HEPHL1: variants seen among roughly 807,000 people sequenced by gnomAD.
HEPHL1 encodes the protein hephaestin like 1.
HEPHL1 carries 123 observed loss-of-function variants against 122.0 expected under a neutral mutation model. The ratio of observed to expected loss-of-function variants is 1.01; its 90% CI spans 0.87 to 1.17. The LOEUF (loss-of-function observed/expected upper bound fraction) is 1.17. Among genes scored for constraint, HEPHL1 ranks in the 50% most tolerant of loss-of-function variants. HEPHL1 has a pLI of 0.00. For missense variants in HEPHL1, 1,452 were observed against 1,430.5 expected, an observed-to-expected ratio of 1.01 and a Z score of -0.24; for synonymous variants, 527 against 508.9, an observed-to-expected ratio of 1.04 and a Z score of -0.48.
chr11:94,087,409 T>C (rs891051686), intron 11 of HEPHL1, among the ~76,000 whole-genome samples: 1 of 152,198 alleles, frequency 6.6e-6, no homozygotes, highest in Non-Finnish European at 1.5e-5. Context: ...AGTTTATGTT[T>C]GGTGATAAGC....
At chr11:94,089,083 C>G in intron 12 of HEPHL1, 115 bp downstream of exon 12, 1 of 961,716 alleles carries the variant, frequency 1.0e-6, no homozygotes, top group Non-Finnish European at 1.6e-6. Context: ...TTCCGGCCGA[C>G]AGAGACTTTT....
In HEPHL1 at chr11:94,067,496, C is replaced by A; in HGVS notation, c.809C>A (p.Ala270Asp). 5 of 1,612,356 alleles carry A rather than the reference C, an allele frequency of 3.1e-6. No homozygotes were observed. The highest frequency in any genetic ancestry group is 4.2e-6 in the Non-Finnish European group (5 of 1,178,570). The change falls in exon 5 of 20, where the codon GCC becomes GAC. Residue 270 changes from alanine (A) to aspartate (D), a missense_variant and splice_region_variant. Ala to Asp is a moderately radical substitution (Grantham distance 126, BLOSUM62 -2). Coordinates refer to ENST00000315765, the MANE Select transcript of HEPHL1 (RefSeq NM_001098672.2). The stretch of plus-strand genomic sequence containing the variant: ...TCCACTAGCGTGTTTCTGTTTCCAG[C>A]CCTCAATGGATACCTCTTCGGAAAC... ...AVFQRSNKMH[A>D]LNGYLFGNFP...
chr11:94,037,041 G>A lies in HEPHL1; in HGVS notation c.171-8632G>A, dbSNP rs929086364. Among the ~76,000 whole-genome samples, 10 of 152,312 alleles carry A rather than the reference G, an allele frequency of 6.6e-5. No individual in the cohort carries two copies. In the East Asian group the frequency reaches 1.7e-3, roughly 26 times the overall value. On this transcript the variant is annotated intron_variant, in intron 1 of 19. Coordinates refer to ENST00000315765, the MANE Select transcript of HEPHL1 (RefSeq NM_001098672.2). ...CGTGCACGAGCCGAAGCAGGGCAAGGCATTGCCTCACCTGGGAAGCGCAAG... is the reference window on the plus strand; with the variant it reads ...CGTGCACGAGCCGAAGCAGGGCAAGACATTGCCTCACCTGGGAAGCGCAAG...
chr11:94,045,707 A>G lies in HEPHL1; in HGVS notation c.205A>G (p.Arg69Gly). The change falls in exon 2 of 20, where the codon AGG becomes GGG. Residue 69 changes from arginine to glycine, a missense_variant. By Grantham distance (125) the Arg-to-Gly change is moderately radical (BLOSUM62 -2). Transcript: ENST00000315765. ...CTTATTTCTCGAAAGAGGGCCCAAC[A>G]GGATAGGCAGTATTTACAAAAAGGC... ...ATLFLERGPN[R>G]IGSIYKKAVY... 1.2e-6 allele frequency: 2 copies of G among 1,611,800 alleles called. No individual in the cohort carries two copies. The highest frequency in any genetic ancestry group is 4.5e-5 in the East Asian group (2 of 44,860).
chr11:94,074,611 C>A (rs1180327992), intron 8 of HEPHL1, among the ~76,000 whole-genome samples: 2 of 152,086 alleles, frequency 1.3e-5, no homozygotes, highest in Admixed American at 6.6e-5. Context: ...TGTTTTTTGG[C>A]AGTACGGTGT....
At chr11:94,059,824 A>G (rs1945970010) in intron 2 of HEPHL1, among the ~76,000 whole-genome samples, 1 of 152,040 alleles carries the variant, frequency 6.6e-6, no homozygotes, top group Non-Finnish European at 1.5e-5. Flanking sequence ...CCTAATAATA[A>G]TAAAAACAAG....
chr11:94,056,658 T>TCTATC (rs1301005618), intron 2 of HEPHL1, among the ~76,000 whole-genome samples: 1 of 236 alleles, frequency 4.2e-3, no homozygotes, highest in Non-Finnish European at 0.083. Flanking sequence ...TATTATTGAT[T>TCTATC]ATCTATCTAT....
chr11:94,069,953 T>C (rs1946060985), intron 5 of HEPHL1, among the ~76,000 whole-genome samples: 1 of 152,206 alleles, frequency 6.6e-6, no homozygotes, highest in South Asian at 2.1e-4. Context: ...CTACCAACAC[T>C]GAGAATTATT....
At chr11:94,044,603 C>G (rs946327184) in intron 1 of HEPHL1, among the ~76,000 whole-genome samples, 2 of 152,144 alleles carry the variant, frequency 1.3e-5, no homozygotes, top group South Asian at 2.1e-4. Flanking sequence ...AGCCTATAAC[C>G]TGCACTTCCC....
chr11:94,024,879 A>G (rs943811091), intron 1 of HEPHL1, among the ~76,000 whole-genome samples: 1 of 152,154 alleles, frequency 6.6e-6, no homozygotes. Context: ...TATCCTATGG[A>G]GGATCCAGTA....
At chr11:94,028,650 A>G (rs183977299) in intron 1 of HEPHL1, among the ~76,000 whole-genome samples, 1 of 152,304 alleles carries the variant, frequency 6.6e-6, no homozygotes, top group Admixed American at 6.5e-5. Context: ...TTGAGTCAAG[A>G]TGTTAGAATG....
intron 10 of HEPHL1, among the ~76,000 whole-genome samples, chr11:94,083,838 G>A (rs1447789908): frequency 6.6e-6 from 1 of 151,970 alleles, no homozygotes; most frequent in Non-Finnish European, 1.5e-5. Flanking sequence ...CTTCTTAGTA[G>A]ACAATATAAA....
At chr11:94,048,256 C>T (rs193127073) in intron 2 of HEPHL1, among the ~76,000 whole-genome samples, 2 of 152,110 alleles carry the variant, frequency 1.3e-5, no homozygotes, top group African/African-American at 2.4e-5. Flanking sequence ...TGGTTGTTTC[C>T]ACATCTTGGC....
intron 1 of HEPHL1, among the ~76,000 whole-genome samples, chr11:94,042,559 G>T (rs1220291407): frequency 6.6e-6 from 1 of 151,196 alleles, no homozygotes; most frequent in Non-Finnish European, 1.5e-5. Flanking sequence ...AAAATGATGA[G>T]TTCATGTCCT....
chr11:94,093,536 G>A lies in HEPHL1; in HGVS notation c.2330G>A (p.Trp777Ter). 1 of 1,613,544 alleles carries A rather than the reference G, an allele frequency of 6.2e-7. No homozygotes were observed. Among genetic ancestry groups the A allele is most frequent in the Non-Finnish European group, 8.5e-7 (1 of 1,179,722 alleles). Residue 777 changes from tryptophan to a stop codon, truncating the protein, a stop_gained, in exon 13 of 20, where the codon TGG (tryptophan) becomes TAG (stop). Coordinates refer to ENST00000315765, the MANE Select transcript of HEPHL1 (RefSeq NM_001098672.2). LOFTEE classifies it high-confidence loss of function. ...GDIFMNRTEN[W>*]IGSQYKKVVY... ...ATATTTATGAACCGCACTGAAAATTGGATTGGCTCTCAGTACAAGAAGGTG... is the reference window on the plus strand; with the variant it reads ...ATATTTATGAACCGCACTGAAAATTAGATTGGCTCTCAGTACAAGAAGGTG...
At chr11:94,045,020 C>T (rs551997796) in intron 1 of HEPHL1, among the ~76,000 whole-genome samples, 2 of 152,284 alleles carry the variant, frequency 1.3e-5, no homozygotes, top group East Asian at 1.9e-4. Flanking sequence ...ATCCTCCTGC[C>T]TCAGCATATC....
chr11:94,089,953 C>T (rs1430545498), intron 12 of HEPHL1, among the ~76,000 whole-genome samples: 1 of 152,126 alleles, frequency 6.6e-6, no homozygotes, highest in Non-Finnish European at 1.5e-5. Context: ...ATACTCCCCT[C>T]CCCTCACCTC....
rs778020457 is a variant in HEPHL1, at chr11:94,086,115, G to C, written c.2006G>C (p.Arg669Pro). 1 of 1,613,360 alleles carries C rather than the reference G, an allele frequency of 6.2e-7. No individual in the cohort carries two copies. The highest frequency in any genetic ancestry group is 8.5e-7 in the Non-Finnish European group (1 of 1,179,772). The stretch of plus-strand genomic sequence containing the variant: ...TTTCAAGGGAACACCATCCACCTAC[G>C]AGGGACTCACCGAGACTCCCTGGCC... The part of the protein sequence containing the change: ...IVFQGNTIHL[R>P]GTHRDSLALF... The change falls in exon 11 of 20, where the codon CGA becomes CCA. Residue 669 changes from arginine (R) to proline (P), a missense_variant. Transcript: ENST00000315765.
At chr11:94,101,157 G>A (rs781586191) in intron 13 of HEPHL1, 38 bp from the exon 14 acceptor site, 20 of 1,601,234 alleles carry the variant, frequency 1.2e-5, no homozygotes, top group Non-Finnish European at 1.7e-5. Flanking sequence ...TGTTGAAAGA[G>A]CAATAATAAT....
Sources: allele counts gnomAD v4.1 joint callset (sites outside exome capture counted in the v4.1 genomes callset), GRCh38; gene constraint gnomAD v4.1.1; transcripts MANE v1.5; gene names NCBI Gene and HGNC (gene_info 2026-07-23, HGNC 2026-07-21).